TBC1D12: variants seen among roughly 807,000 people sequenced by gnomAD.
TBC1D12 encodes the protein TBC1 domain family member 12, also known as TBC1 domain family, member 12.
In TBC1D12, 56 loss-of-function variants were observed where a neutral mutation model predicts 86.7. The observed-to-expected ratio is 0.65, with a 90% CI of 0.52 to 0.81. The LOEUF is 0.81. Among genes scored for constraint, TBC1D12 ranks in the 30% least tolerant of loss-of-function variants. The pLI, the probability that TBC1D12 is intolerant of heterozygous loss-of-function variation, is 0.00. For synonymous variants in TBC1D12, 421 were observed against 411.7 expected, an observed-to-expected ratio of 1.02 and a Z score of -0.27; for missense variants, 1,023 against 1,038.8, an observed-to-expected ratio of 0.98 and a Z score of 0.21.
intron 2 of TBC1D12, among the ~76,000 whole-genome samples, chr10:94,462,334 C>A (rs569375413): frequency 1.3e-5 from 2 of 152,124 alleles, no homozygotes; most frequent in South Asian, 2.1e-4. Flanking sequence ...ATTTACATGA[C>A]CTAAATGTAA....
rs966257575 is a variant in TBC1D12 at position 94,447,679 on chromosome 10, T to C, written c.1095+5660T>C. ...GCCTTTTGAACCAGTTGGTGAGCCG[T>C]GTTAAAAATTGAATCTGTTAATTAT... On this transcript the variant is annotated intron_variant, in intron 2 of 12. Coordinates refer to ENST00000225235, the MANE Select transcript of TBC1D12 (RefSeq NM_015188.2). The C allele has an allele frequency of 1.6e-5, 16 of 984,992 alleles. No individual in the cohort carries two copies. In the African/African-American group the frequency reaches 2.3e-4, roughly 14 times the overall value. 61.0% of individuals were successfully genotyped at this position (984,992 alleles called of 1,614,324 possible).
Position 94,465,767 on chromosome 10 carries a change from C to T in TBC1D12, c.1096-8901C>T, listed in dbSNP as rs188855853. Among the ~76,000 whole-genome samples the T allele has an allele frequency of 1.6e-4, 24 of 148,914 alleles. No homozygotes were observed. The East Asian group carries it at 3.8e-3, about 23-fold the overall frequency. On this transcript the variant is annotated intron_variant, in intron 2 of 12. Coordinates refer to ENST00000225235, the MANE Select transcript of TBC1D12 (RefSeq NM_015188.2). Reference sequence around the variant, plus strand: ...ATACATACATATGTATACATACATACGTATACGCATACATACATACATATA... The same window carrying T: ...ATACATACATATGTATACATACATATGTATACGCATACATACATACATATA...
chr10:94,525,518 T>C (rs1444723364), intron 11 of TBC1D12, among the ~76,000 whole-genome samples: 2 of 151,376 alleles, frequency 1.3e-5, no homozygotes, highest in Non-Finnish European at 2.9e-5. Context: ...GCACGAGAAT[T>C]GCTTGAACCC....
In TBC1D12 at chr10:94,441,156, GT is replaced by G. The variant is rs993773124; in HGVS notation, c.972-729del. Among the ~76,000 whole-genome samples, 596 of 143,310 alleles carry G rather than the reference GT, an allele frequency of 4.2e-3. 2 individuals are homozygous for G. The highest frequency in any genetic ancestry group is 0.013 in the African/African-American group (517 of 39,334). 94.0% of individuals were successfully genotyped at this position (143,310 alleles called of 152,430 possible). ...AGCCATCGCACCTGTCCTGGGTTTT[GT>G]TTTTTTTTTTCTAGATTTTTCAGTG... On this transcript the variant is annotated intron_variant, in intron 1 of 12. Transcript: ENST00000225235.
chr10:94,443,483 A>G (rs1467653481), intron 2 of TBC1D12, among the ~76,000 whole-genome samples: 1 of 152,194 alleles, frequency 6.6e-6, no homozygotes, highest in East Asian at 1.9e-4. Flanking sequence ...AAAATAGTGA[A>G]TAGTTTATCT....
At chr10:94,421,196 C>T (rs897743065) in intron 1 of TBC1D12, among the ~76,000 whole-genome samples, 8 of 152,160 alleles carry the variant, frequency 5.3e-5, no homozygotes, top group African/African-American at 1.9e-4. Flanking sequence ...TGACCACCCC[C>T]TGGCCTCTGG....
intron 3 of TBC1D12, among the ~76,000 whole-genome samples, chr10:94,491,728 A>C (rs1010876064): frequency 1.3e-5 from 2 of 152,188 alleles, no homozygotes; most frequent in African/African-American, 4.8e-5. Flanking sequence ...CTGGTAGTTC[A>C]GTTAGTAACC....
chr10:94,432,628 T>G (rs1042543082), intron 1 of TBC1D12, among the ~76,000 whole-genome samples: 6 of 152,190 alleles, frequency 3.9e-5, no homozygotes, highest in African/African-American at 1.2e-4. Context: ...GGAAATTTCT[T>G]GTAGTAACCA....
chr10:94,451,862 G>A (rs2055554677), intron 2 of TBC1D12, among the ~76,000 whole-genome samples: 1 of 151,922 alleles, frequency 6.6e-6, no homozygotes, highest in Admixed American at 6.6e-5. Context: ...GGCATTATAT[G>A]TGTAGCTTTT....
chr10:94,494,116 T>C (rs1205535295), intron 4 of TBC1D12, among the ~76,000 whole-genome samples: 15 of 152,114 alleles, frequency 9.9e-5, no homozygotes, highest in Admixed American at 9.8e-4. Flanking sequence ...GTCATTTGGT[T>C]AGGTGCATAA....
At chr10:94,492,226 G>T (rs2056255247) in intron 3 of TBC1D12, among the ~76,000 whole-genome samples, 1 of 152,130 alleles carries the variant, frequency 6.6e-6, no homozygotes, top group Non-Finnish European at 1.5e-5. Context: ...TATAGGGTTT[G>T]TTACTGTCTG....
intron 3 of TBC1D12, among the ~76,000 whole-genome samples, chr10:94,476,377 A>G (rs2055988852): frequency 1.3e-5 from 2 of 152,140 alleles, no homozygotes; most frequent in Admixed American, 1.3e-4. Context: ...TTTGATGAAT[A>G]TGTTTATAAT....
In TBC1D12 at chr10:94,447,542, A is replaced by G. The variant is rs906202120; in HGVS notation, c.1095+5523A>G. On this transcript the variant is annotated intron_variant, in intron 2 of 12. Transcript: ENST00000225235. Reference sequence around the variant, plus strand: ...ACGTTTTAGGATTATAGCAAAATCAAACTGACTGAAGTTAACTTGATAATC... The same window carrying G: ...ACGTTTTAGGATTATAGCAAAATCAGACTGACTGAAGTTAACTTGATAATC... The G allele has an allele frequency of 3.3e-6, 3 of 903,688 alleles. No individual in the cohort carries two copies. In the African/African-American group the frequency reaches 5.4e-5, roughly 16 times the overall value. The allele number at this position is 903,688 out of a possible 1,614,324, so 56.0% of individuals were successfully genotyped here.
At chr10:94,463,140 T>C (rs2055754502) in intron 2 of TBC1D12, among the ~76,000 whole-genome samples, 1 of 152,236 alleles carries the variant, frequency 6.6e-6, no homozygotes, top group African/African-American at 2.4e-5. Flanking sequence ...CTTATGATTA[T>C]GTAGAGGTAT....
At chr10:94,467,190 G>A (rs975060618) in intron 2 of TBC1D12, among the ~76,000 whole-genome samples, 1 of 152,110 alleles carries the variant, frequency 6.6e-6, no homozygotes, top group Non-Finnish European at 1.5e-5. Context: ...AATTGCACAA[G>A]TGCTTTTCCT....
intron 1 of TBC1D12, among the ~76,000 whole-genome samples, chr10:94,408,979 A>C (rs2054892360): frequency 1.3e-5 from 2 of 152,318 alleles, no homozygotes; most frequent in African/African-American, 4.8e-5. Flanking sequence ...GAAAACTGAA[A>C]ATAATACGTA....
chr10:94,441,421 T>C (rs2134090187), intron 1 of TBC1D12, among the ~76,000 whole-genome samples: 1 of 152,256 alleles, frequency 6.6e-6, no homozygotes, highest in East Asian at 1.9e-4. Flanking sequence ...GAATTTTGGC[T>C]CTTATTGTTA....
chr10:94,448,253 C>A (rs1169677800), intron 2 of TBC1D12, among the ~76,000 whole-genome samples: 4 of 152,070 alleles, frequency 2.6e-5, no homozygotes, highest in Admixed American at 6.6e-5. Flanking sequence ...GTTTTGTGAG[C>A]AGTAGTTAAA....
intron 10 of TBC1D12, 84 bp from the exon 11 acceptor site, chr10:94,522,260 G>A (rs1443496755): frequency 3.7e-6 from 4 of 1,072,450 alleles, no homozygotes; most frequent in Non-Finnish European, 5.2e-6. Flanking sequence ...TAATGAGCAC[G>A]ATTTCCTGTT....
Sources: allele counts gnomAD v4.1 joint callset (sites outside exome capture counted in the v4.1 genomes callset), GRCh38; gene constraint gnomAD v4.1.1; transcripts MANE v1.5; gene names NCBI Gene and HGNC (gene_info 2026-07-23, HGNC 2026-07-21).